Variants in GNAQ observed in about 807,000 individuals in gnomAD.
GNAQ encodes G protein subunit alpha q.
GNAQ carries 8 observed loss-of-function variants against 43.9 expected under a neutral mutation model. That is an observed-to-expected ratio of 0.18 (90% CI 0.11 to 0.33). The LOEUF (loss-of-function observed/expected upper bound fraction) is 0.33. GNAQ is among the 10% of genes least tolerant of loss of function. The probability of loss-of-function intolerance (pLI) is 1.00; values close to 1 mark genes in which losing one functional copy is unlikely to be tolerated. For synonymous variants in GNAQ, 155 were observed against 170.7 expected (o/e 0.91, Z 0.71); for missense variants, 158 against 450.8 (o/e 0.35, Z 5.88).
chr9:77,761,169 G>C (rs1169715252), intron 5 of GNAQ, among the ~76,000 whole-genome samples: 1 of 141,630 alleles, frequency 7.1e-6, no homozygotes, highest in Non-Finnish European at 1.6e-5. Context: ...GAGGTGGGGG[G>C]GTCAGCCTCC....
chr9:77,760,824 A>G (rs548920797), intron 5 of GNAQ, among the ~76,000 whole-genome samples: 261 of 126,432 alleles, frequency 2.1e-3, no homozygotes, highest in African/African-American at 5.7e-3. Context: ...CCAGCCGCCC[A>G]TCGTCTGAGA....
chr9:77,857,718 G>A (rs1357484255), intron 2 of GNAQ, among the ~76,000 whole-genome samples: 2 of 151,078 alleles, frequency 1.3e-5, no homozygotes, highest in Non-Finnish European at 2.9e-5. Context: ...GGAGGAAAGA[G>A]TCTACCTAAA....
intron 4 of GNAQ, among the ~76,000 whole-genome samples, chr9:77,797,022 A>T (rs1474542406): frequency 6.6e-6 from 1 of 152,098 alleles, no homozygotes. Flanking sequence ...GTTCTAGTAC[A>T]AGTACATCTC....
intron 3 of GNAQ, among the ~76,000 whole-genome samples, chr9:77,800,517 C>G (rs1469136905): frequency 4.6e-5 from 7 of 151,980 alleles, no homozygotes; most frequent in Admixed American, 1.3e-4. Context: ...GGTGGGAATT[C>G]AACAATGAGA....
At chr9:77,946,538 C>T (rs1355065552) in intron 1 of GNAQ, among the ~76,000 whole-genome samples, 1 of 152,182 alleles carries the variant, frequency 6.6e-6, no homozygotes, top group African/African-American at 2.4e-5. Flanking sequence ...CACAAACCAA[C>T]GTGCAAAACC....
chr9:77,721,993 G>C (rs1404903380), intron 6 of GNAQ, among the ~76,000 whole-genome samples: 2 of 152,098 alleles, frequency 1.3e-5, no homozygotes, highest in Non-Finnish European at 2.9e-5. Flanking sequence ...ATCTCTCTTA[G>C]AACACCTGTT....
chr9:77,738,558 G>A (rs1052384865), intron 5 of GNAQ, among the ~76,000 whole-genome samples: 1 of 152,004 alleles, frequency 6.6e-6, no homozygotes, highest in African/African-American at 2.4e-5. Flanking sequence ...TTTTCTTCCA[G>A]TCTTTGAGCT....
chr9:77,726,912 G>C (rs1157137760), intron 6 of GNAQ, among the ~76,000 whole-genome samples: 1 of 152,098 alleles, frequency 6.6e-6, no homozygotes, highest in Non-Finnish European at 1.5e-5. Context: ...AGTAATTGAG[G>C]CTTTGCAAAC....
At chr9:77,757,595 C>T (rs556932005) in intron 5 of GNAQ, among the ~76,000 whole-genome samples, 14 of 152,142 alleles carry the variant, frequency 9.2e-5, no homozygotes, top group Non-Finnish European at 1.8e-4. Context: ...ATAAAAAATA[C>T]CCACTATAAC....
chr9:78,018,072 T>G (rs747010629), intron 1 of GNAQ, among the ~76,000 whole-genome samples: 32 of 152,120 alleles, frequency 2.1e-4, no homozygotes, highest in Non-Finnish European at 3.4e-4. Flanking sequence ...CATGAATCTA[T>G]TCTAACAAAA....
intron 2 of GNAQ, among the ~76,000 whole-genome samples, chr9:77,869,537 T>C (rs1828002495): frequency 6.6e-6 from 1 of 152,214 alleles, no homozygotes; most frequent in Admixed American, 6.5e-5. Context: ...ATATTTGCTA[T>C]ATATAAATGT....
chr9:77,914,770 C>T (rs1479914838), intron 2 of GNAQ, among the ~76,000 whole-genome samples: 3 of 149,026 alleles, frequency 2.0e-5, no homozygotes, highest in Non-Finnish European at 4.4e-5. Context: ...GGCCAAGAAT[C>T]CAATTAAAAT....
intron 1 of GNAQ, among the ~76,000 whole-genome samples, chr9:78,012,921 A>T (rs1315084555): frequency 6.6e-6 from 1 of 152,212 alleles, no homozygotes; most frequent in Non-Finnish European, 1.5e-5. Context: ...ACTACTACAG[A>T]ATCACTTTCA....
At chr9:77,865,133 CT>C (rs1215659715) in intron 2 of GNAQ, among the ~76,000 whole-genome samples, 3 of 152,136 alleles carry the variant, frequency 2.0e-5, no homozygotes, top group Non-Finnish European at 4.4e-5. Context: ...CTATGAATTT[CT>C]TTTAACTTAA....
chr9:78,011,942 ATGGAG>A (rs1253031762), intron 1 of GNAQ, among the ~76,000 whole-genome samples: 2 of 152,220 alleles, frequency 1.3e-5, no homozygotes, highest in Non-Finnish European at 2.9e-5. Context: ...TATTATAGAG[ATGGAG>A]TGGGTTCAGT....
chr9:77,821,051 G>A (rs1827105502), intron 2 of GNAQ, among the ~76,000 whole-genome samples: 1 of 152,152 alleles, frequency 6.6e-6, no homozygotes, highest in African/African-American at 2.4e-5. Context: ...GAGAATGTAT[G>A]TTAAATACAA....
At chr9:77,895,461 CTAGT>C (rs1218336448) in intron 2 of GNAQ, among the ~76,000 whole-genome samples, 1 of 152,084 alleles carries the variant, frequency 6.6e-6, no homozygotes, top group Non-Finnish European at 1.5e-5. Context: ...TATCCTGCTG[CTAGT>C]TACACAGATG....
At chr9:77,887,045 C>T (rs1351460936) in intron 2 of GNAQ, among the ~76,000 whole-genome samples, 2 of 152,080 alleles carry the variant, frequency 1.3e-5, no homozygotes, top group Non-Finnish European at 2.9e-5. Flanking sequence ...TCTCTTGAAC[C>T]TGGGAGGTGG....
At chr9:77,754,923 T>C (rs1045135722) in intron 5 of GNAQ, among the ~76,000 whole-genome samples, 2 of 152,182 alleles carry the variant, frequency 1.3e-5, no homozygotes, top group African/African-American at 4.8e-5. Flanking sequence ...AAAAGATATC[T>C]TCACTTCCAT....
Sources: gnomAD v4.1 joint callset for allele counts (sites outside exome capture counted in the v4.1 genomes callset) on GRCh38, gnomAD v4.1.1 for gene constraint, MANE v1.5 for transcripts, NCBI Gene and HGNC (gene_info 2026-07-23, HGNC 2026-07-21) for gene names.